The following NSFL1C variants were observed in gnomAD, a reference collection of about 807,000 sequenced individuals.
The protein encoded by NSFL1C is NSFL1 cofactor.
Under a neutral mutation model 43.1 loss-of-function variants are expected in NSFL1C, and 14 were observed. The observed-to-expected ratio is 0.32, with a 90% CI of 0.21 to 0.51. The LOEUF is 0.51. NSFL1C is among the 20% of genes least tolerant of loss of function. The pLI, the probability that NSFL1C is intolerant of heterozygous loss-of-function variation, is 0.98. For missense variants in NSFL1C, 406 were observed against 472.5 expected, an observed-to-expected ratio of 0.86 and a Z score of 1.30; for synonymous variants, 171 against 183.5, an observed-to-expected ratio of 0.93 and a Z score of 0.55.
chr20:1,445,390 TA>T (rs907136374), intron 8 of NSFL1C, among the ~76,000 whole-genome samples: 1 of 152,130 alleles, frequency 6.6e-6, no homozygotes, highest in East Asian at 1.9e-4. Flanking sequence ...TCTGGTAGCT[TA>T]AAAAAAGCCC....
chr20:1,445,913 G>C, intron 7 of NSFL1C, 83 bp from the exon 8 acceptor site: 1 of 1,430,798 alleles, frequency 7.0e-7, no homozygotes, highest in Non-Finnish European at 9.7e-7. Context: ...CTGTTACTGA[G>C]CATTTGCAAT....
At chr20:1,449,919 C>T (rs922325431) in intron 7 of NSFL1C, among the ~76,000 whole-genome samples, 13 of 152,140 alleles carry the variant, frequency 8.5e-5, no homozygotes, top group African/African-American at 3.1e-4. Context: ...GTTTGCAATT[C>T]GAACCTTCAG....
intron 3 of NSFL1C, chr20:1,455,816 G>A: frequency 2.6e-6 from 2 of 769,622 alleles, no homozygotes; most frequent in African/African-American, 1.7e-5. Context: ...ACAGCACCAG[G>A]AGCTCCCCCA....
Position 1,443,917 on chromosome 20 carries a change from G to A in NSFL1C, c.951-6C>T, listed in dbSNP as rs2090003165. The A allele has an allele frequency of 6.2e-7, 1 of 1,608,506 alleles. No individual in the cohort carries two copies. The highest frequency in any genetic ancestry group is 8.5e-7 in the Non-Finnish European group (1 of 1,179,206). On this transcript the variant is annotated splice_polypyrimidine_tract_variant and splice_region_variant and intron_variant, in intron 8 of 8. Transcript: ENST00000216879. ...AGAGTCGGATGTCGCTGATCCTGCA[G>A]GAGTTGGGGAAGCGGTGAGCAGTGC...
rs554334969 is a variant in NSFL1C, at chr20:1,453,063, G to A, written c.615C>T (p.Ser205=). The A allele has an allele frequency of 6.2e-7, 1 of 1,613,012 alleles. No homozygotes were observed. The highest frequency in any genetic ancestry group is 8.5e-7 in the Non-Finnish European group (1 of 1,178,978). ...GGATAGACTCCAGAAACTGGGCATT[G>A]GATGGGTCTTGGTAGCTTCTGAGTT... The part of the protein sequence containing the change: ...NGELRSYQDP[S]NAQFLESIRR... Residue 205 remains serine (S), a synonymous_variant, in exon 6 of 9, where the codon TCC becomes TCT. Transcript: ENST00000216879.
chr20:1,452,175 T>C (rs1027945564), intron 7 of NSFL1C, among the ~76,000 whole-genome samples: 3 of 152,226 alleles, frequency 2.0e-5, no homozygotes, highest in African/African-American at 7.2e-5. Flanking sequence ...TATGGAACAG[T>C]GTTCTACATG....
chr20:1,445,171 G>T (rs998750958), intron 8 of NSFL1C, among the ~76,000 whole-genome samples: 8 of 152,216 alleles, frequency 5.3e-5, no homozygotes, highest in Non-Finnish European at 1.0e-4. Context: ...GATGGTCTGA[G>T]ATGTGGAGCA....
rs531317319 is a variant in NSFL1C at position 1,442,892 on chromosome 20, G to C, written c.*857C>G. The C allele has an allele frequency of 6.6e-6, 1 of 152,252 alleles. No homozygotes were observed. Among genetic ancestry groups the C allele is most frequent in the South Asian group, 2.1e-4 (1 of 4,820 alleles). The allele number at this position is 152,252 out of a possible 1,614,324, so 9.4% of individuals were successfully genotyped here. A position where few individuals can be genotyped will look rare whatever the true frequency, so the allele number is the denominator to read the frequency against. On this transcript the variant is annotated 3_prime_UTR_variant, in exon 9 of 9. Coordinates refer to ENST00000216879, the MANE Select transcript of NSFL1C (RefSeq NM_016143.5). ...GGCATTTTGACTGTTTATCTTATAG[G>C]GCAAGATACCCTGATTCTGAACTCA... is the stretch of plus-strand genomic sequence containing the variant.
chr20:1,454,191 A>G (rs375265854), intron 5 of NSFL1C, 22 bp downstream of exon 5: 26 of 1,576,544 alleles, frequency 1.6e-5, no homozygotes, highest in Middle Eastern at 1.8e-4. Context: ...AGCTTCCCTC[A>G]TGGGAAGGTG....
At chr20:1,466,601 G>T in intron 1 of NSFL1C, 119 bp downstream of exon 1, 1 of 960,482 alleles carries the variant, frequency 1.0e-6, no homozygotes, top group South Asian at 1.6e-5. Flanking sequence ...ATGAGGCCTG[G>T]GTCGGGCCGC....
intron 7 of NSFL1C, among the ~76,000 whole-genome samples, chr20:1,449,101 C>T (rs2090131866): frequency 6.6e-6 from 1 of 152,230 alleles, no homozygotes; most frequent in Non-Finnish European, 1.5e-5. Flanking sequence ...AGGGACCCAG[C>T]TCTGCACTGG....
At chr20:1,458,165 T>A (rs2122921411) in intron 3 of NSFL1C, 35 bp downstream of exon 3, 1 of 1,548,812 alleles carries the variant, frequency 6.5e-7, no homozygotes, top group East Asian at 2.2e-5. Context: ...GACTTCCCTG[T>A]GAACTGTCCC....
intron 4 of NSFL1C, 139 bp from the exon 5 acceptor site, chr20:1,454,444 ACTTT>A (rs2090253498): frequency 1.6e-6 from 1 of 628,924 alleles, no homozygotes; most frequent in African/African-American, 1.8e-5. Context: ...TACTAGATGC[ACTTT>A]CTCTGATATC....
At chr20:1,457,875 C>T (rs2090334011) in intron 3 of NSFL1C, 4 of 249,260 alleles carry the variant, frequency 1.6e-5, no homozygotes, top group South Asian at 6.7e-5. Flanking sequence ...TGAAGAGCAC[C>T]GCAATGAGCA....
In NSFL1C at chr20:1,442,506, A is replaced by C. The variant is rs2089969114; in HGVS notation, c.*1243T>G. The C allele has an allele frequency of 6.6e-6, 1 of 152,170 alleles. No individual in the cohort carries two copies. Among genetic ancestry groups the C allele is most frequent in the South Asian group, 2.1e-4 (1 of 4,828 alleles). The allele number at this position is 152,170 out of a possible 1,614,324, so 9.4% of individuals were successfully genotyped here. On this transcript the variant is annotated 3_prime_UTR_variant, in exon 9 of 9. Coordinates refer to ENST00000216879, the MANE Select transcript of NSFL1C (RefSeq NM_016143.5). ...GCACATTACGATTCCAAACCAGGAG[A>C]TCCTGAGTCAGCACTGATTCTGTCT... is the stretch of plus-strand genomic sequence containing the variant.
rs555825634 is a variant in NSFL1C, at chr20:1,453,192, T to C, written c.538-52A>G. 1.7e-5 allele frequency: 18 copies of C among 1,039,478 alleles called. No homozygotes were observed. The East Asian group carries it at 4.3e-4, about 25-fold the overall frequency. 64.4% of individuals were successfully genotyped at this position (1,039,478 alleles called of 1,614,324 possible). A position where few individuals can be genotyped will look rare whatever the true frequency, so the allele number is the denominator to read the frequency against. On this transcript the variant is annotated intron_variant, in intron 5 of 8. Transcript: ENST00000216879. ...CCAGGGATCTGGCAAGCATACCAAT[T>C]TGAACTTGCAAATTAGCAGGTTTTT...
chr20:1,456,357 AC>A (rs1757886121), intron 3 of NSFL1C: 2 of 152,418 alleles, frequency 1.3e-5, no homozygotes. Context: ...GGAGTGTGAA[AC>A]CCCAAAATTA....
chr20:1,453,462 G>GT (rs2090226948), intron 5 of NSFL1C, among the ~76,000 whole-genome samples: 1 of 152,124 alleles, frequency 6.6e-6, no homozygotes, highest in Non-Finnish European at 1.5e-5. Context: ...TTGGTATGCC[G>GT]TGAGTGTCCG....
Position 1,464,186 on chromosome 20 carries a change from C to T in NSFL1C, c.203+143G>A, listed in dbSNP as rs999429140. On this transcript the variant is annotated intron_variant, in intron 2 of 8. Transcript: ENST00000216879. The stretch of plus-strand genomic sequence containing the variant: ...CTGTATAGGAAATGACTGAGGCCTG[C>T]TGGGAAGTACTACCCATTGACTCAG... The T allele has an allele frequency of 5.9e-6, 4 of 682,728 alleles. No homozygotes were observed. The African/African-American group carries it at 7.1e-5, about 12-fold the overall frequency. The allele number at this position is 682,728 out of a possible 1,614,324, so 42.3% of individuals were successfully genotyped here. A position where few individuals can be genotyped will look rare whatever the true frequency, so the allele number is the denominator to read the frequency against.
Sources: allele counts gnomAD v4.1 joint callset (sites outside exome capture counted in the v4.1 genomes callset), GRCh38; gene constraint gnomAD v4.1.1; transcripts MANE v1.5; gene names NCBI Gene and HGNC (gene_info 2026-07-23, HGNC 2026-07-21).